The following HELZ variants were observed in gnomAD, a reference collection of about 807,000 sequenced individuals.
HELZ encodes the protein helicase with zinc finger.
In HELZ, 23 loss-of-function variants were observed where a neutral mutation model predicts 218.2. That is an observed-to-expected ratio of 0.11 (90% CI 0.08 to 0.15). HELZ has a LOEUF of 0.15. Among genes scored for constraint, HELZ ranks in the 10% least tolerant of loss-of-function variants. HELZ has a pLI of 1.00. For missense variants in HELZ, 1,813 were observed against 2,353.7 expected (o/e 0.77, Z 4.75); for synonymous variants, 814 against 829.4 (o/e 0.98, Z 0.32).
At chr17:67,083,778 C>A (rs1325218724) in intron 32 of HELZ, among the ~76,000 whole-genome samples, 1 of 152,242 alleles carries the variant, frequency 6.6e-6, no homozygotes, top group East Asian at 1.9e-4. Flanking sequence ...AGGGATTCCC[C>A]ACCCTCTGCA....
intron 7 of HELZ, among the ~76,000 whole-genome samples, chr17:67,199,587 C>T (rs1385229507): frequency 6.6e-6 from 1 of 152,070 alleles, no homozygotes; most frequent in Non-Finnish European, 1.5e-5. Context: ...ATACACATGG[C>T]TTTGAAGTTA....
At chr17:67,186,391 C>G (rs2039756976) in intron 12 of HELZ, among the ~76,000 whole-genome samples, 1 of 152,038 alleles carries the variant, frequency 6.6e-6, no homozygotes, top group Admixed American at 6.6e-5. Context: ...AGTACTCTGC[C>G]CAGGCTCACA....
At chr17:67,222,651 G>T (rs1424505401) in intron 3 of HELZ, among the ~76,000 whole-genome samples, 1 of 152,102 alleles carries the variant, frequency 6.6e-6, no homozygotes, top group Non-Finnish European at 1.5e-5. Flanking sequence ...CTGTTTTGTC[G>T]AGCTTTTCAG....
intron 5 of HELZ, among the ~76,000 whole-genome samples, chr17:67,214,048 T>C (rs1175487163): frequency 1.3e-5 from 2 of 152,134 alleles, no homozygotes; most frequent in African/African-American, 4.8e-5. Context: ...CTTCTTCAGA[T>C]GGGGGAAGGA....
At chr17:67,083,629 A>AAAAAC (rs1206986266) in intron 32 of HELZ, among the ~76,000 whole-genome samples, 3 of 152,230 alleles carry the variant, frequency 2.0e-5, no homozygotes, top group East Asian at 1.9e-4. Context: ...ACTGTGTCTC[A>AAAAAC]AAAACAAAAC....
chr17:67,120,749 T>A lies in HELZ; in HGVS notation c.3631-137A>T, dbSNP rs1394056015. On this transcript the variant is annotated intron_variant, in intron 26 of 32. Coordinates refer to ENST00000358691, the MANE Select transcript of HELZ (RefSeq NM_014877.4). Reference sequence around the variant, plus strand: ...CACACAGATGTTAATTTTCTCAAAATAAATAACTACAAAGTTGATGCTAAT... The same window carrying A: ...CACACAGATGTTAATTTTCTCAAAAAAAATAACTACAAAGTTGATGCTAAT... 4.7e-6 allele frequency: 3 copies of A among 639,910 alleles called. No homozygotes were observed. The Admixed American group carries it at 7.9e-5, about 17-fold the overall frequency. The allele number at this position is 639,910 out of a possible 1,614,324, so 39.6% of individuals were successfully genotyped here. A position where few individuals can be genotyped will look rare whatever the true frequency, so the allele number is the denominator to read the frequency against.
intron 12 of HELZ, among the ~76,000 whole-genome samples, chr17:67,183,796 T>C (rs1301944813): frequency 6.6e-6 from 1 of 152,090 alleles, no homozygotes; most frequent in Admixed American, 6.5e-5. Flanking sequence ...AGCCTATCCT[T>C]AGTCCAGAAG....
chr17:67,108,175 G>T lies in HELZ; in HGVS notation c.4724+317C>A, dbSNP rs1283736483. 6.6e-6 allele frequency among the ~76,000 whole-genome samples: 1 copy of T among 152,110 alleles called. No homozygotes were observed. The highest frequency in any genetic ancestry group is 1.5e-5 in the Non-Finnish European group (1 of 68,034). On this transcript the variant is annotated intron_variant, in intron 30 of 32. Transcript: ENST00000358691. This position sits in a 1 kb window ranked among gnomAD's most constrained non-coding sequence, Gnocchi z 4.1. ...TTACTCCTGTCTTTATTCATTCTTT[G>T]CAAGTATTACTACTAAATAAAAAAA...
chr17:67,164,868 G>T (rs1388452834), intron 15 of HELZ, among the ~76,000 whole-genome samples: 1 of 152,174 alleles, frequency 6.6e-6, no homozygotes, highest in Non-Finnish European at 1.5e-5. Context: ...CATCAGATTT[G>T]TGAGCAGTGA....
chr17:67,124,008 T>G lies in HELZ; in HGVS notation c.3394A>C (p.Ser1132Arg). Residue 1132 changes from serine (S) to arginine (R), a missense_variant, in exon 25 of 33, where the codon AGT becomes CGT. By Grantham distance (110) the Ser-to-Arg change is moderately radical. Coordinates refer to ENST00000358691, the MANE Select transcript of HELZ (RefSeq NM_014877.4). ...KQQQSPPKGKSLHHTQNDHFQ... is the reference protein window; with the variant it reads ...KQQQSPPKGKRLHHTQNDHFQ... ...TGATCATTCTGGGTATGATGAAGAC[T>G]TTTCCCCTTTAAAGAAAAACACAAA... The G allele has an allele frequency of 6.3e-7, 1 of 1,597,498 alleles. No individual in the cohort carries two copies. Among genetic ancestry groups the G allele is most frequent in the African/African-American group, 1.3e-5 (1 of 74,646 alleles).
chr17:67,245,027 G>T (rs952367977), intron 1 of HELZ, 121 bp downstream of exon 1: 2 of 985,156 alleles, frequency 2.0e-6, no homozygotes. Flanking sequence ...CCCCCAGCCT[G>T]CCCCGGGGCC....
chr17:67,127,166 T>C (rs1285430413), intron 24 of HELZ, among the ~76,000 whole-genome samples: 1 of 152,168 alleles, frequency 6.6e-6, no homozygotes, highest in Non-Finnish European at 1.5e-5. Context: ...AAGATCTCCT[T>C]GGTAGAAATT....
At chr17:67,134,841 T>A (rs2038097919) in intron 23 of HELZ, among the ~76,000 whole-genome samples, 1 of 152,196 alleles carries the variant, frequency 6.6e-6, no homozygotes, top group African/African-American at 2.4e-5. Context: ...CCAAGGCAGA[T>A]TCAGGACTAC....
At chr17:67,154,981 G>A (rs2038796896) in intron 17 of HELZ, among the ~76,000 whole-genome samples, 1 of 152,132 alleles carries the variant, frequency 6.6e-6, no homozygotes. Context: ...AAACTATGCA[G>A]TTATGAGCCA....
chr17:67,080,335 A>C (rs1350274953), intron 32 of HELZ, among the ~76,000 whole-genome samples: 3 of 152,100 alleles, frequency 2.0e-5, no homozygotes, highest in African/African-American at 7.2e-5. Flanking sequence ...CTATTTCTGT[A>C]TCAGTATTAA....
chr17:67,147,375 T>C (rs570796437), intron 20 of HELZ, among the ~76,000 whole-genome samples: 1 of 152,332 alleles, frequency 6.6e-6, no homozygotes, highest in East Asian at 1.9e-4. Flanking sequence ...TCTTTTGTTA[T>C]AATTTGGGTA....
chr17:67,195,852 C>CTTTTTT (rs1238942016), intron 7 of HELZ, among the ~76,000 whole-genome samples: 1 of 84,852 alleles, frequency 1.2e-5, no homozygotes, highest in Non-Finnish European at 2.3e-5. Flanking sequence ...TTTTTTTTTT[C>CTTTTTT]TTTTTTTTTT....
chr17:67,216,264 C>A (rs1041944484), intron 4 of HELZ, among the ~76,000 whole-genome samples: 5 of 152,176 alleles, frequency 3.3e-5, no homozygotes, highest in Non-Finnish European at 7.3e-5. Flanking sequence ...GTCACCACCA[C>A]GTCTCCCCAC....
intron 31 of HELZ, among the ~76,000 whole-genome samples, chr17:67,087,498 G>C (rs1423410830): frequency 6.6e-6 from 1 of 152,198 alleles, no homozygotes; most frequent in Non-Finnish European, 1.5e-5. Context: ...AGTATAGGCA[G>C]TTGAGTCATG....
Sources: allele counts gnomAD v4.1 joint callset (sites outside exome capture counted in the v4.1 genomes callset), GRCh38; gene constraint gnomAD v4.1.1; non-coding constraint Gnocchi (gnomAD v3.1); transcripts MANE v1.5; gene names NCBI Gene and HGNC (gene_info 2026-07-23, HGNC 2026-07-21).